The following AGBL3 variants were observed in gnomAD, a reference collection of about 807,000 sequenced individuals.
The protein encoded by AGBL3 is cytosolic carboxypeptidase 3.
AGBL3 carries 68 observed loss-of-function variants against 94.5 expected under a neutral mutation model. The observed-to-expected ratio is 0.72, with a 90% CI of 0.59 to 0.88. The LOEUF is 0.88. Among genes scored for constraint, AGBL3 ranks in the 40% least tolerant of loss-of-function variants. The pLI, the probability that AGBL3 is intolerant of heterozygous loss-of-function variation, is 0.00. For synonymous variants in AGBL3, 354 were observed against 370.7 expected, an observed-to-expected ratio of 0.95 and a Z score of 0.52; for missense variants, 934 against 1,103.8, an observed-to-expected ratio of 0.85 and a Z score of 2.18.
chr7:135,124,826 A>T (rs897649227), intron 16 of AGBL3, among the ~76,000 whole-genome samples: 1 of 152,220 alleles, frequency 6.6e-6, no homozygotes, highest in African/African-American at 2.4e-5. Flanking sequence ...TTAAAGCAGA[A>T]ATCAAGAAGT....
At chr7:135,096,083 C>T (rs1822626924) in intron 15 of AGBL3, among the ~76,000 whole-genome samples, 2 of 151,550 alleles carry the variant, frequency 1.3e-5, no homozygotes, top group Admixed American at 1.3e-4. Context: ...ACCTGGGAGG[C>T]GGAGGTTGCA....
intron 16 of AGBL3, among the ~76,000 whole-genome samples, chr7:135,131,207 A>G (rs1480247966): frequency 6.6e-6 from 1 of 152,194 alleles, no homozygotes; most frequent in Non-Finnish European, 1.5e-5. Context: ...CAAACTTAAT[A>G]CAGGAACAGA....
chr7:135,035,373 C>G (rs1264988379), intron 7 of AGBL3, among the ~76,000 whole-genome samples: 1 of 152,014 alleles, frequency 6.6e-6, no homozygotes, highest in African/African-American at 2.4e-5. Flanking sequence ...AGGCAGGAGT[C>G]TATTCAGCAA....
Position 135,034,389 on chromosome 7 carries a change from T to C in AGBL3, c.798T>C (p.Tyr266=), listed in dbSNP as rs1816088649. Residue 266 remains tyrosine, a synonymous_variant, in exon 7 of 17, where the codon TAT becomes TAC. Coordinates refer to ENST00000436302, the MANE Select transcript of AGBL3 (RefSeq NM_178563.4). ...GAATAGGAGACCAAATCAAGTATTATAGGAACAACCCAGGCCAAGATGGGC... is the reference window on the plus strand; with the variant it reads ...GAATAGGAGACCAAATCAAGTATTACAGGAACAACCCAGGCCAAGATGGGC... ...WQRIGDQIKY[Y]RNNPGQDGRH... The C allele has an allele frequency of 1.2e-5, 18 of 1,551,668 alleles. No individual in the cohort carries two copies. Among genetic ancestry groups the C allele is most frequent in the Non-Finnish European group, 1.6e-5 (18 of 1,146,980 alleles).
At chr7:135,104,235 T>C (rs1183496285) in intron 15 of AGBL3, among the ~76,000 whole-genome samples, 2 of 152,180 alleles carry the variant, frequency 1.3e-5, no homozygotes, top group South Asian at 2.1e-4. Flanking sequence ...TGTTCCTGCA[T>C]AGGACATGAT....
intron 16 of AGBL3, chr7:135,128,741 C>A: frequency 7.3e-7 from 1 of 1,371,142 alleles, no homozygotes; most frequent in Non-Finnish European, 1.0e-6. Flanking sequence ...AGAAGGACAG[C>A]TCAAGCCTCT....
chr7:135,031,989 G>A (rs1815793265), intron 5 of AGBL3, among the ~76,000 whole-genome samples: 1 of 152,016 alleles, frequency 6.6e-6, no homozygotes, highest in Non-Finnish European at 1.5e-5. Flanking sequence ...CTGGTGTCCT[G>A]ACCCACAAAT....
intron 16 of AGBL3, among the ~76,000 whole-genome samples, chr7:135,118,542 A>C (rs1826647184): frequency 6.6e-6 from 1 of 152,184 alleles, no homozygotes; most frequent in Admixed American, 6.6e-5. Context: ...GAGCAAACTA[A>C]CAAAAAGCCA....
chr7:135,045,150 C>T (rs917064810), intron 9 of AGBL3, among the ~76,000 whole-genome samples: 3 of 152,006 alleles, frequency 2.0e-5, no homozygotes, highest in Admixed American at 6.6e-5. Flanking sequence ...AAAACCTTTT[C>T]TCATAAAATC....
intron 16 of AGBL3, among the ~76,000 whole-genome samples, chr7:135,117,084 T>C (rs1019058981): frequency 6.6e-6 from 1 of 152,234 alleles, no homozygotes; most frequent in Non-Finnish European, 1.5e-5. Flanking sequence ...CCAGGATTTG[T>C]AGTTATTTTT....
At chr7:135,119,460 A>C (rs901821834) in intron 16 of AGBL3, among the ~76,000 whole-genome samples, 1 of 151,768 alleles carries the variant, frequency 6.6e-6, no homozygotes, top group Non-Finnish European at 1.5e-5. Flanking sequence ...CGAACTCCTG[A>C]CCTCAAGTGA....
At chr7:135,055,990 GGTACACTGT>G (rs77722867) in intron 11 of AGBL3, among the ~76,000 whole-genome samples, 7,745 of 151,978 alleles carry the variant, frequency 0.051, 272 homozygotes, top group Middle Eastern at 0.18. Context: ...TGTGAGTTCT[GGTACACTGT>G]GTCTTTCAAG....
intron 15 of AGBL3, among the ~76,000 whole-genome samples, chr7:135,109,487 C>G (rs1218740936): frequency 2.0e-5 from 3 of 152,160 alleles, no homozygotes; most frequent in Non-Finnish European, 4.4e-5. Context: ...AGTCTGCCCG[C>G]TTTCTGTATG....
intron 3 of AGBL3, among the ~76,000 whole-genome samples, chr7:134,991,221 A>G (rs979884556): frequency 2.0e-5 from 3 of 149,846 alleles, no homozygotes; most frequent in African/African-American, 7.4e-5. Flanking sequence ...GTTGGTTAAA[A>G]TTTCAGTTAA....
chr7:135,098,209 C>T (rs1166935194), intron 15 of AGBL3, among the ~76,000 whole-genome samples: 1 of 152,146 alleles, frequency 6.6e-6, no homozygotes, highest in Non-Finnish European at 1.5e-5. Context: ...AGTCTAAATA[C>T]AGTCATCCCT....
intron 15 of AGBL3, chr7:135,094,601 G>A (rs772622344): frequency 6.6e-6 from 3 of 451,588 alleles, no homozygotes; most frequent in African/African-American, 6.0e-5. Context: ...GGGAGAAGAA[G>A]AGTAAACATT....
chr7:135,084,914 C>T (rs1318130981), intron 15 of AGBL3, among the ~76,000 whole-genome samples: 1 of 151,992 alleles, frequency 6.6e-6, no homozygotes, highest in Non-Finnish European at 1.5e-5. Flanking sequence ...TCTGGGTAAC[C>T]TCCATATTAT....
intron 4 of AGBL3, among the ~76,000 whole-genome samples, chr7:134,994,316 T>G (rs1810692643): frequency 6.6e-6 from 1 of 152,208 alleles, no homozygotes; most frequent in Non-Finnish European, 1.5e-5. Flanking sequence ...CTCCTTTGTC[T>G]TTTTCCCACT....
intron 7 of AGBL3, among the ~76,000 whole-genome samples, chr7:135,035,231 T>G (rs1816184607): frequency 6.6e-6 from 1 of 152,048 alleles, no homozygotes; most frequent in African/African-American, 2.4e-5. Flanking sequence ...TTGCTAAAGA[T>G]AATGGTAGCA....
Sources: allele counts gnomAD v4.1 joint callset (sites outside exome capture counted in the v4.1 genomes callset), GRCh38; gene constraint gnomAD v4.1.1; transcripts MANE v1.5; gene names NCBI Gene and HGNC (gene_info 2026-07-23, HGNC 2026-07-21).